The following C9 variants were observed in gnomAD, a reference collection of about 807,000 sequenced individuals.
C9 encodes complement component C9.
Under a neutral mutation model 65.4 loss-of-function variants are expected in C9, and 63 were observed. The ratio of observed to expected loss-of-function variants is 0.96; its 90% CI spans 0.79 to 1.19. The LOEUF (loss-of-function observed/expected upper bound fraction) is 1.19, where lower values mean the gene tolerates loss of function less well. Ranked by LOEUF, C9 falls within the 50% of genes most tolerant of loss-of-function variation. C9 has a pLI of 0.00. For synonymous variants in C9, 229 were observed against 227.9 expected, an observed-to-expected ratio of 1.00 and a Z score of -0.04; for missense variants, 744 against 670.1, an observed-to-expected ratio of 1.11 and a Z score of -1.22.
At chr5:39,306,450 C>T (rs796313799) in intron 9 of C9, among the ~76,000 whole-genome samples, 167 bp downstream of exon 9, 1 of 152,092 alleles carries the variant, frequency 6.6e-6, no homozygotes, top group African/African-American at 2.4e-5. Context: ...TGGTCTGACT[C>T]TACACCATGC....
intron 4 of C9, 189 bp downstream of exon 4, chr5:39,340,957 G>A (rs1262628826): frequency 1.5e-6 from 1 of 675,098 alleles, no homozygotes; most frequent in Non-Finnish European, 2.6e-6. Context: ...CAGGCAATTT[G>A]TCCAAATTAT....
intron 1 of C9, among the ~76,000 whole-genome samples, chr5:39,356,715 T>A (rs1754418610): frequency 6.6e-6 from 1 of 152,222 alleles, no homozygotes. Context: ...TGAAAGAATA[T>A]GCTGCATAAA....
intron 5 of C9, among the ~76,000 whole-genome samples, chr5:39,328,866 A>G (rs971188415): frequency 2.0e-5 from 3 of 152,200 alleles, no homozygotes; most frequent in Non-Finnish European, 2.9e-5. Context: ...GAGTGGCTGT[A>G]GTGAAATGGT....
At position 39,331,921 on chromosome 5, in the gene C9, C is replaced by T; in HGVS notation, c.477-107G>A. 15 of 923,530 alleles carry T rather than the reference C, an allele frequency of 1.6e-5. No homozygotes were observed. In the South Asian group the frequency reaches 1.8e-4, roughly 11 times the overall value. The allele number at this position is 923,530 out of a possible 1,614,324, so 57.2% of individuals were successfully genotyped here. ...ACAGCTTCAGTTCATGTCACCGTCACCCAATATGTGTGTGCTATAATCAGG... is the reference window on the plus strand; with the variant it reads ...ACAGCTTCAGTTCATGTCACCGTCATCCAATATGTGTGTGCTATAATCAGG... On this transcript the variant is annotated intron_variant, in intron 4 of 10. Coordinates refer to ENST00000263408, the MANE Select transcript of C9 (RefSeq NM_001737.5).
chr5:39,335,306 G>A (rs893401687), intron 4 of C9, among the ~76,000 whole-genome samples: 2 of 152,286 alleles, frequency 1.3e-5, no homozygotes, highest in Middle Eastern at 3.4e-3. Context: ...TATTAAGACA[G>A]TTTATATTCA....
At chr5:39,350,246 G>A (rs1579878715) in intron 1 of C9, among the ~76,000 whole-genome samples, 1 of 152,136 alleles carries the variant, frequency 6.6e-6, no homozygotes, top group East Asian at 1.9e-4. Context: ...ACAGCAAAAA[G>A]GAAGTCCAGC....
chr5:39,297,669 T>A (rs1370981783), intron 9 of C9, among the ~76,000 whole-genome samples: 2 of 151,668 alleles, frequency 1.3e-5, no homozygotes, highest in African/African-American at 4.8e-5. Context: ...AGAAGATATA[T>A]AATCTAAATG....
intron 6 of C9, among the ~76,000 whole-genome samples, chr5:39,311,978 G>A (rs1753492826): frequency 1.3e-5 from 2 of 152,104 alleles, no homozygotes; most frequent in African/African-American, 4.8e-5. Context: ...TTCTAGACTA[G>A]GCAAAACTAA....
At chr5:39,335,319 C>G (rs1157655639) in intron 4 of C9, among the ~76,000 whole-genome samples, 1 of 152,150 alleles carries the variant, frequency 6.6e-6, no homozygotes, top group Admixed American at 6.5e-5. Flanking sequence ...TATATTCACT[C>G]TCTGCTTCCA....
At chr5:39,341,366 G>A in intron 3 of C9, 73 bp from the exon 4 acceptor site, 1 of 1,556,936 alleles carries the variant, frequency 6.4e-7, no homozygotes, top group African/African-American at 1.4e-5. Flanking sequence ...GTTATCAAAT[G>A]CATTTTAACC....
At chr5:39,312,500 C>T (rs568624172) in intron 6 of C9, among the ~76,000 whole-genome samples, 21 of 152,038 alleles carry the variant, frequency 1.4e-4, no homozygotes, top group African/African-American at 4.3e-4. Context: ...TTCAGTCCAC[C>T]CTCTCAATTT....
chr5:39,285,374 T>C (rs1327617148), intron 10 of C9, 141 bp from the exon 11 acceptor site: 1 of 724,114 alleles, frequency 1.4e-6, no homozygotes, highest in East Asian at 2.6e-5. Flanking sequence ...TAGAATGTGG[T>C]GTAAGGTACA....
intron 1 of C9, among the ~76,000 whole-genome samples, chr5:39,362,748 A>T (rs762060983): frequency 6.6e-6 from 1 of 152,204 alleles, no homozygotes; most frequent in Non-Finnish European, 1.5e-5. Context: ...AATTTCAGTT[A>T]GCTATTATTC....
chr5:39,301,631 A>G (rs1410886568), intron 9 of C9, among the ~76,000 whole-genome samples: 2 of 152,094 alleles, frequency 1.3e-5, no homozygotes, highest in African/African-American at 2.4e-5. Context: ...CAATATTACT[A>G]TCTGCACTAT....
intron 5 of C9, among the ~76,000 whole-genome samples, chr5:39,326,934 C>T (rs1345653594): frequency 2.6e-5 from 4 of 151,988 alleles, no homozygotes; most frequent in African/African-American, 7.3e-5. Context: ...AATATGCTGG[C>T]ATGAATTTTT....
intron 1 of C9, among the ~76,000 whole-genome samples, chr5:39,362,158 T>C (rs1023409825): frequency 3.9e-5 from 6 of 152,172 alleles, no homozygotes; most frequent in Non-Finnish European, 7.4e-5. Flanking sequence ...CTGAAAGGTA[T>C]GTTGAAGTCC....
chr5:39,311,228 T>C lies in C9; in HGVS notation c.1020A>G (p.Glu340=). 6.2e-7 allele frequency: 1 copy of C among 1,613,720 alleles called. No individual in the cohort carries two copies. Among genetic ancestry groups the C allele is most frequent in the South Asian group, 1.1e-5 (1 of 91,078 alleles). The stretch of plus-strand genomic sequence containing the variant: ...AGCTACTGTAGTGAGTTCCATAGGT[T>C]TCCAAAAAGGCAAAATATTCTCCCT... The part of the protein sequence containing the change: ...YEKGEYFAFL[E]TYGTHYSSSG... The change falls in exon 7 of 11, where the codon GAA becomes GAG. Residue 340 remains glutamate (E), a synonymous_variant. Transcript: ENST00000263408.
chr5:39,341,642 G>A lies in C9; in HGVS notation c.242C>T (p.Ala81Val), dbSNP rs1228327904. ...CACACACTGTCGTCTGTCTCCCACA[G>A]CGTCGGTGCATCTTTTCCCATTAAA... ...GQFNGKRCTDAVGDRRQCVPT... is the reference protein window; with the variant it reads ...GQFNGKRCTDVVGDRRQCVPT... Residue 81 changes from alanine (A) to valine (V), a missense_variant, in exon 3 of 11, where the codon GCT (alanine) becomes GTT (valine). Physicochemically the swap from Ala to Val is moderately conservative, Grantham distance 64 (BLOSUM62 0). Coordinates refer to ENST00000263408, the MANE Select transcript of C9 (RefSeq NM_001737.5). 2 of 1,613,698 alleles carry A rather than the reference G, an allele frequency of 1.2e-6. No individual in the cohort carries two copies. Among genetic ancestry groups the A allele is most frequent in the Non-Finnish European group, 1.7e-6 (2 of 1,179,688 alleles).
intron 1 of C9, among the ~76,000 whole-genome samples, chr5:39,351,073 C>A (rs1248274915): frequency 1.3e-5 from 2 of 152,176 alleles, no homozygotes; most frequent in Non-Finnish European, 2.9e-5. Context: ...TGTGCACCTG[C>A]AGGCCCAACA....
Sources: allele counts gnomAD v4.1 joint callset (sites outside exome capture counted in the v4.1 genomes callset), GRCh38; gene constraint gnomAD v4.1.1; transcripts MANE v1.5; gene names NCBI Gene and HGNC (gene_info 2026-07-23, HGNC 2026-07-21).